ACACA: variants seen among roughly 807,000 people sequenced by gnomAD.
ACACA encodes the protein acetyl-CoA carboxylase alpha.
ACACA carries 103 observed loss-of-function variants against 296.1 expected under a neutral mutation model. That is an observed-to-expected ratio of 0.35 (90% CI 0.30 to 0.41). The LOEUF (loss-of-function observed/expected upper bound fraction) is 0.41, where lower values mean the gene tolerates loss of function less well. Ranked by LOEUF, ACACA falls within the 10% of genes least tolerant of loss-of-function variation. The pLI is 1.00. For synonymous variants in ACACA, 953 were observed against 1,038.6 expected (o/e 0.92, Z 1.58); for missense variants, 1,554 against 2,989.7 (o/e 0.52, Z 11.20).
chr17:37,301,059 C>G (rs2083594166), intron 3 of ACACA, among the ~76,000 whole-genome samples: 1 of 152,126 alleles, frequency 6.6e-6, no homozygotes, highest in African/African-American at 2.4e-5. Context: ...TTCAAAAATG[C>G]AAATAAAGCA....
chr17:37,207,596 G>T, intron 31 of ACACA, 61 bp downstream of exon 31: 1 of 1,598,008 alleles, frequency 6.3e-7, no homozygotes, highest in South Asian at 1.1e-5. Flanking sequence ...AGAAAGATGA[G>T]ACCCCAAAAC....
At position 37,125,745 on chromosome 17, in the gene ACACA, T is replaced by C; in HGVS notation, c.5994A>G (p.Ser1998=). The C allele has an allele frequency of 6.2e-7, 1 of 1,614,046 alleles. No homozygotes were observed. The highest frequency in any genetic ancestry group is 8.5e-7 in the Non-Finnish European group (1 of 1,179,982). Residue 1998 remains serine, a synonymous_variant, in exon 48 of 56, where the codon TCA becomes TCG. Transcript: ENST00000616317. ...TCTGTGCCCAGGGCTGCATAATCTC[T>C]GAGAAAGATCCATAGTCAAAAAAGC... ...LSGFFDYGSF[S]EIMQPWAQTV...
chr17:37,134,901 T>A (rs772958903), intron 45 of ACACA, among the ~76,000 whole-genome samples: 1 of 151,938 alleles, frequency 6.6e-6, no homozygotes. Flanking sequence ...AGGTTATTGA[T>A]AAAGGTTGGC....
rs544941179 is a variant in ACACA, at chr17:37,184,926, T to C, written c.4776+3351A>G. Among the ~76,000 whole-genome samples the C allele has an allele frequency of 1.1e-4, 16 of 150,974 alleles. 1 individual carries two copies. The South Asian group carries it at 3.3e-3, about 32-fold the overall frequency. ...GAACATACACATAATCTATGCAACA[T>C]GGCTGAACCTCAAAAACATTATGCT... On this transcript the variant is annotated intron_variant, in intron 39 of 55. Transcript: ENST00000616317.
chr17:37,342,836 G>C (rs2048448229), intron 1 of ACACA, among the ~76,000 whole-genome samples: 1 of 151,892 alleles, frequency 6.6e-6, no homozygotes, highest in South Asian at 2.1e-4. Context: ...AGCTACTTGG[G>C]AGGCTGAAGT....
chr17:37,293,307 A>G (rs961363883), intron 3 of ACACA, among the ~76,000 whole-genome samples: 2 of 152,094 alleles, frequency 1.3e-5, no homozygotes, highest in Non-Finnish European at 2.9e-5. Flanking sequence ...ATCACACAAC[A>G]CTTTCTGGCA....
At chr17:37,291,602 A>T (rs1456256337) in intron 3 of ACACA, among the ~76,000 whole-genome samples, 2 of 152,182 alleles carry the variant, frequency 1.3e-5, no homozygotes, top group Admixed American at 6.5e-5. Flanking sequence ...GGACGAGCTT[A>T]CTTTAGAGCA....
chr17:37,143,676 C>A, intron 45 of ACACA: 1 of 888,782 alleles, frequency 1.1e-6, no homozygotes. Context: ...GTGCTAGAAC[C>A]AACTTATTCA....
intron 14 of ACACA, among the ~76,000 whole-genome samples, chr17:37,256,375 T>C (rs995825065): frequency 2.0e-5 from 3 of 152,318 alleles, no homozygotes; most frequent in African/African-American, 7.2e-5. Context: ...ACTTATAGTT[T>C]TGAAGAATGA....
chr17:37,207,855 G>A lies in ACACA; in HGVS notation c.3708-55C>T, dbSNP rs957426869. ...ACAAGGAGGGTAGGAGCAAGGACTG[G>A]GAAAGTAACAGTAGGGAAAAGGAAC... On this transcript the variant is annotated intron_variant, in intron 30 of 55. Coordinates refer to ENST00000616317, the MANE Select transcript of ACACA (RefSeq NM_198834.3). 1.9e-6 allele frequency: 3 copies of A among 1,590,246 alleles called. No homozygotes were observed. The Admixed American group carries it at 5.0e-5, about 27-fold the overall frequency.
intron 54 of ACACA, among the ~76,000 whole-genome samples, chr17:37,092,268 T>G (rs1237455856): frequency 1.6e-5 from 2 of 121,332 alleles, no homozygotes; most frequent in Admixed American, 9.2e-5. Context: ...GGCAATAGAG[T>G]GAGACAAAAA....
chr17:37,171,845 G>A (rs1232612792), intron 41 of ACACA, among the ~76,000 whole-genome samples: 2 of 152,112 alleles, frequency 1.3e-5, no homozygotes, highest in Non-Finnish European at 2.9e-5. Flanking sequence ...AATAAGCATA[G>A]GAATTATTTT....
chr17:37,167,480 G>A (rs563726151), intron 41 of ACACA, among the ~76,000 whole-genome samples: 11 of 149,170 alleles, frequency 7.4e-5, no homozygotes, highest in Admixed American at 4.7e-4. Flanking sequence ...CACCACGCCC[G>A]GCTAATTTTT....
At chr17:37,260,369 T>G (rs1216456453) in intron 11 of ACACA, among the ~76,000 whole-genome samples, 2 of 138,850 alleles carry the variant, frequency 1.4e-5, no homozygotes, top group Admixed American at 1.5e-4. Flanking sequence ...AGTGGCGCAA[T>G]CTCGGCTCAC....
chr17:37,374,447 C>A (rs912188829), intron 1 of ACACA, among the ~76,000 whole-genome samples: 1 of 152,036 alleles, frequency 6.6e-6, no homozygotes, highest in African/African-American at 2.4e-5. Context: ...CCACCATGCC[C>A]AGCTAATTTT....
At chr17:37,305,316 TTC>T (rs1408244844) in intron 3 of ACACA, among the ~76,000 whole-genome samples, 1 of 152,236 alleles carries the variant, frequency 6.6e-6, no homozygotes, top group African/African-American at 2.4e-5. Context: ...AATCTGTGAA[TTC>T]TGTTTCCCTA....
intron 10 of ACACA, among the ~76,000 whole-genome samples, chr17:37,268,745 A>ATCTATCTATCTATCTATCTATC (rs750854724): frequency 8.8e-6 from 1 of 113,006 alleles, no homozygotes; most frequent in African/African-American, 3.0e-5. Context: ...ATCTATCTAT[A>ATCTATCTATCTATCTATCTATC]TATATATATA....
chr17:37,098,548 C>T (rs984429919), intron 52 of ACACA, among the ~76,000 whole-genome samples: 46 of 152,212 alleles, frequency 3.0e-4, no homozygotes, highest in African/African-American at 1.1e-3. Flanking sequence ...GGCTTCTAAT[C>T]TCAGGTTTAT....
chr17:37,132,291 TCACA>T (rs2075135844), intron 45 of ACACA, among the ~76,000 whole-genome samples: 2 of 152,150 alleles, frequency 1.3e-5, no homozygotes, highest in Admixed American at 1.3e-4. Flanking sequence ...ACATGCACAC[TCACA>T]CATGCATCAG....
Sources: allele counts gnomAD v4.1 joint callset (sites outside exome capture counted in the v4.1 genomes callset), GRCh38; gene constraint gnomAD v4.1.1; transcripts MANE v1.5; gene names NCBI Gene and HGNC (gene_info 2026-07-23, HGNC 2026-07-21).